Variants in GFOD2 observed in about 807,000 individuals in gnomAD.
GFOD2 encodes Gfo/Idh/MocA-like oxidoreductase domain containing 2.
A neutral mutation model predicts 24.6 loss-of-function variants in GFOD2; 9 were observed. That is an observed-to-expected ratio of 0.37 (90% confidence interval 0.22 to 0.64). The LOEUF is 0.64. GFOD2 is among the 30% of genes least tolerant of loss of function. The probability of loss-of-function intolerance (pLI) is 0.65; values close to 1 mark genes in which losing one functional copy is unlikely to be tolerated. For missense variants in GFOD2, 476 were observed against 532.5 expected (o/e 0.89, Z 1.04); for synonymous variants, 211 against 224.8 (o/e 0.94, Z 0.55).
chr16:67,683,482 G>T, intron 2 of GFOD2: 1 of 1,231,548 alleles, frequency 8.1e-7, no homozygotes, highest in Non-Finnish European at 1.0e-6. Context: ...GTTGACTTAG[G>T]TCTATTTCTG....
intron 1 of GFOD2, among the ~76,000 whole-genome samples, chr16:67,702,786 T>G (rs918826377): frequency 3.3e-5 from 5 of 151,688 alleles, no homozygotes; most frequent in African/African-American, 1.2e-4. Context: ...TTAGTAGAGA[T>G]GGGGTTTCAC....
chr16:67,692,176 T>TC (rs2053318954), intron 1 of GFOD2, among the ~76,000 whole-genome samples: 1 of 150,502 alleles, frequency 6.6e-6, no homozygotes, highest in African/African-American at 2.5e-5. Flanking sequence ...ACTGGGGTTC[T>TC]CTGCAAGTTA....
intron 1 of GFOD2, among the ~76,000 whole-genome samples, chr16:67,711,429 A>G (rs1477614636): frequency 6.6e-6 from 1 of 152,046 alleles, no homozygotes; most frequent in Non-Finnish European, 1.5e-5. Context: ...ATTTCTCCTG[A>G]TGGTGACTGT....
At chr16:67,682,777 A>C in intron 2 of GFOD2, 1 of 985,408 alleles carries the variant, frequency 1.0e-6, no homozygotes, top group Non-Finnish European at 1.2e-6. Context: ...TCACAGCACG[A>C]AGACTTGGTG....
chr16:67,686,060 G>A (rs2053263865), intron 1 of GFOD2, among the ~76,000 whole-genome samples: 1 of 152,140 alleles, frequency 6.6e-6, no homozygotes, highest in Non-Finnish European at 1.5e-5. Flanking sequence ...ATCACTTGAG[G>A]CCAGGAGTTT....
intron 1 of GFOD2, among the ~76,000 whole-genome samples, chr16:67,700,444 TAGAC>T: frequency 6.6e-6 from 1 of 151,870 alleles, no homozygotes; most frequent in Admixed American, 6.6e-5. Context: ...CAGTAGTCAT[TAGAC>T]AGCATTAATT....
At chr16:67,689,739 C>T (rs2053297073) in intron 1 of GFOD2, among the ~76,000 whole-genome samples, 1 of 152,012 alleles carries the variant, frequency 6.6e-6, no homozygotes, top group Non-Finnish European at 1.5e-5. Context: ...ATCACCACCA[C>T]CCTGGTGGAT....
At chr16:67,715,015 A>G (rs2053497541) in intron 1 of GFOD2, among the ~76,000 whole-genome samples, 1 of 152,162 alleles carries the variant, frequency 6.6e-6, no homozygotes, top group South Asian at 2.1e-4. Context: ...ACTAAGTAAC[A>G]TGGAAATATT....
At chr16:67,713,586 G>A (rs538329276) in intron 1 of GFOD2, among the ~76,000 whole-genome samples, 33 of 152,286 alleles carry the variant, frequency 2.2e-4, no homozygotes, top group Admixed American at 1.5e-3. Context: ...TGCTAGAGCA[G>A]CTCACAGAAC....
At position 67,675,796 on chromosome 16, in the gene GFOD2, C is replaced by T. The variant is rs200868244; in HGVS notation, c.517G>A (p.Gly173Arg). Residue 173 changes from glycine (G) to arginine (R), a missense_variant, in exon 3 of 3, where the codon GGG (glycine) becomes AGG (arginine). Transcript: ENST00000268797. ...GWICDELMGG[G>R]GLHTMGTYIV... ...TAGGTCCCCATGGTGTGCAAGCCCC[C>T]GCCGCCCATGAGCTCATCACAGATC... 8.7e-6 allele frequency: 14 copies of T among 1,614,164 alleles called. No individual in the cohort carries two copies. Among genetic ancestry groups the T allele is most frequent in the East Asian group, 4.5e-5 (2 of 44,884 alleles).
rs772899473 is a variant in GFOD2 at position 67,675,120 on chromosome 16, C to T, written c.*35G>A. On this transcript the variant is annotated 3_prime_UTR_variant, in exon 3 of 3. Transcript: ENST00000268797. ...TCTGGCTCCTGTTCCCCTCCCTGGT[C>T]CCTCTGCCCTGTGGCAAGGAGCCCA... 3 of 1,574,820 alleles carry T rather than the reference C, an allele frequency of 1.9e-6. No homozygotes were observed. Among genetic ancestry groups the T allele is most frequent in the Non-Finnish European group, 8.6e-7 (1 of 1,158,182 alleles).
chr16:67,708,406 C>G (rs2053452398), intron 1 of GFOD2, among the ~76,000 whole-genome samples: 2 of 152,140 alleles, frequency 1.3e-5, no homozygotes, highest in South Asian at 4.1e-4. Context: ...GCTGGTGAAT[C>G]CCAGCACTTG....
rs571565690 is a variant in GFOD2, at chr16:67,680,635, T to C, written c.260-4582A>G. 4 of 651,440 alleles carry C rather than the reference T, an allele frequency of 6.1e-6. No homozygotes were observed. The South Asian group carries it at 2.8e-4, about 45-fold the overall frequency. 40.4% of individuals were successfully genotyped at this position (651,440 alleles called of 1,614,324 possible). A position where few individuals can be genotyped will look rare whatever the true frequency, so the allele number is the denominator to read the frequency against. On this transcript the variant is annotated intron_variant, in intron 2 of 2. Transcript: ENST00000268797. ...CCACAGAGCATCTGTCATTTGTACT[T>C]ATGGGCATCTTACGTAGGTCTAAAC...
chr16:67,683,805 C>T (rs1026067838), intron 2 of GFOD2: 67 of 1,224,910 alleles, frequency 5.5e-5, no homozygotes, highest in Non-Finnish European at 6.6e-5. Flanking sequence ...GGAGGACAAC[C>T]TCATGGCACC....
At chr16:67,684,357 AGAGT>A (rs1351384133) in intron 2 of GFOD2, 4 of 151,964 alleles carry the variant, frequency 2.6e-5, no homozygotes, top group African/African-American at 4.8e-5. Context: ...CCTGGGCAAC[AGAGT>A]GAGACTCCAT....
rs763225973 is a variant in GFOD2 at position 67,685,484 on chromosome 16, T to A, written c.232A>T (p.Thr78Ser). ...AGAGCCTTCACGGATATCTGCCGGG[T>A]GAGTGGAGGGGGGATGCTGATGCAC... ...LVCISIPPPL[T>S]RQISVKALGI... The change falls in exon 2 of 3, where the codon ACC (threonine) becomes TCC (serine). Residue 78 changes from threonine (T) to serine (S), a missense_variant. Coordinates refer to ENST00000268797, the MANE Select transcript of GFOD2 (RefSeq NM_030819.4). 3.1e-6 allele frequency: 5 copies of A among 1,613,894 alleles called. No homozygotes were observed. In the African/African-American group the frequency reaches 6.7e-5, roughly 22 times the overall value.
intron 1 of GFOD2, among the ~76,000 whole-genome samples, chr16:67,718,690 G>A (rs185973668): frequency 3.1e-4 from 47 of 152,252 alleles, no homozygotes; most frequent in Non-Finnish European, 1.9e-4. Flanking sequence ...CCTGTCAACT[G>A]AACACCCGTT....
intron 1 of GFOD2, among the ~76,000 whole-genome samples, chr16:67,712,568 T>C (rs1354344133): frequency 1.2e-5 from 1 of 84,128 alleles, no homozygotes; most frequent in East Asian, 2.9e-4. Context: ...GGATTGCAGA[T>C]GGAGTCTCGT....
Position 67,675,974 on chromosome 16 carries a change from G to A in GFOD2, c.339C>T (p.Tyr113=). ...AFRMVTASRY[Y]PQLMSLVGNV... Reference sequence around the variant, plus strand: ...TCCCTACCAGGCTCATGAGCTGCGGGTAGTAGCGCGAGGCTGTCACCATCC... The same window carrying A: ...TCCCTACCAGGCTCATGAGCTGCGGATAGTAGCGCGAGGCTGTCACCATCC... Residue 113 remains tyrosine, a synonymous_variant, in exon 3 of 3, where the codon TAC becomes TAT. Transcript: ENST00000268797. 9 of 1,614,226 alleles carry A rather than the reference G, an allele frequency of 5.6e-6. No homozygotes were observed. The highest frequency in any genetic ancestry group is 7.6e-6 in the Non-Finnish European group (9 of 1,180,046).
Sources: allele counts gnomAD v4.1 joint callset (sites outside exome capture counted in the v4.1 genomes callset), GRCh38; gene constraint gnomAD v4.1.1; transcripts MANE v1.5; gene names NCBI Gene and HGNC (gene_info 2026-07-23, HGNC 2026-07-21).